Variants in DNMBP observed in about 807,000 individuals in gnomAD.
DNMBP encodes the protein dynamin-binding protein.
Under a neutral mutation model 150.0 loss-of-function variants are expected in DNMBP, and 87 were observed. That is an observed-to-expected ratio of 0.58 (90% CI 0.49 to 0.69). The LOEUF (loss-of-function observed/expected upper bound fraction) is 0.69, where lower values mean the gene tolerates loss of function less well. DNMBP is among the 30% of genes least tolerant of loss of function. DNMBP has a pLI of 0.00. For synonymous variants in DNMBP, 711 were observed against 750.4 expected (o/e 0.95, Z 0.86); for missense variants, 1,774 against 1,949.0 (o/e 0.91, Z 1.69).
At chr10:99,891,467 A>G (rs2039559040) in intron 11 of DNMBP, among the ~76,000 whole-genome samples, 1 of 151,734 alleles carries the variant, frequency 6.6e-6, no homozygotes, top group East Asian at 1.9e-4. Context: ...AGTCTCGTTC[A>G]CTCAGTGCTC....
At chr10:99,902,050 C>A (rs889902780) in intron 6 of DNMBP, among the ~76,000 whole-genome samples, 2 of 151,692 alleles carry the variant, frequency 1.3e-5, no homozygotes, top group Non-Finnish European at 2.9e-5. Context: ...CACCACCACA[C>A]CTGCTAATTT....
intron 1 of DNMBP, among the ~76,000 whole-genome samples, chr10:99,993,360 T>C (rs1564757826): frequency 2.0e-5 from 3 of 152,304 alleles, no homozygotes; most frequent in Non-Finnish European, 2.9e-5. Context: ...CTGGAATTAG[T>C]GGTGAATGGG....
At position 99,955,596 on chromosome 10, in the gene DNMBP, C is replaced by A; in HGVS notation, c.1878G>T (p.Leu626=). 3 of 1,613,350 alleles carry A rather than the reference C, an allele frequency of 1.9e-6. No individual in the cohort carries two copies. The South Asian group carries it at 3.3e-5, about 18-fold the overall frequency. Residue 626 remains leucine, a synonymous_variant, in exon 4 of 17, where the codon CTG becomes CTT. Coordinates refer to ENST00000324109, the MANE Select transcript of DNMBP (RefSeq NM_015221.4). ...GTGCAGGTTTTAGGTTCTGGTCAAC[C>A]AGCAAATGGGGAGAAGTGGATACCG... is the stretch of plus-strand genomic sequence containing the variant. ...CTPVSTSPHL[L]VDQNLKPAPP... is the part of the protein sequence containing the mutation.
intron 4 of DNMBP, among the ~76,000 whole-genome samples, chr10:99,942,069 T>C (rs111592636): frequency 1.7e-3 from 266 of 152,324 alleles, no homozygotes; most frequent in African/African-American, 5.4e-3. Flanking sequence ...AACTGTGCCG[T>C]TGCTCTAGCT....
chr10:99,997,429 G>C (rs1006103787), intron 1 of DNMBP, among the ~76,000 whole-genome samples: 1 of 152,116 alleles, frequency 6.6e-6, no homozygotes, highest in African/African-American at 2.4e-5. Flanking sequence ...AAATGACCTT[G>C]GGGCCAGACC....
intron 6 of DNMBP, among the ~76,000 whole-genome samples, chr10:99,903,283 A>G (rs1461889290): frequency 2.6e-5 from 4 of 151,608 alleles, no homozygotes; most frequent in African/African-American, 9.7e-5. Context: ...ACCAGTCACA[A>G]CAGTGGGGGT....
In DNMBP at chr10:99,879,101, A is replaced by AAAAAAAAAC. The variant is rs1554857510; in HGVS notation, c.4548+709_4548+710insGTTTTTTTT. 5.1e-3 allele frequency among the ~76,000 whole-genome samples: 694 copies of AAAAAAAAAC among 135,006 alleles called. 54 individuals are homozygous for AAAAAAAAAC. The highest frequency in any genetic ancestry group is 0.02 in the African/African-American group (616 of 31,580). 88.6% of individuals were successfully genotyped at this position (135,006 alleles called of 152,430 possible). A position where few individuals can be genotyped will look rare whatever the true frequency, so the allele number is the denominator to read the frequency against. Reference sequence around the variant, plus strand: ...CTCTGTCTCAAAAAAAAAAAAAAAAACCCAAAACGTTTGAGATACAAAGCC... The same window carrying AAAAAAAAAC: ...CTCTGTCTCAAAAAAAAAAAAAAAAAAAAAAAAACCCCAAAACGTTTGAGATACAAAGCC... On this transcript the variant is annotated intron_variant, in intron 16 of 16. Coordinates refer to ENST00000324109, the MANE Select transcript of DNMBP (RefSeq NM_015221.4).
Position 99,895,817 on chromosome 10 carries a change from A to G in DNMBP, c.3051+450T>C, listed in dbSNP as rs549348649. ...AACAATGGACTATTTTCTGGCTTATATTTTCCATGAATTGTACCTTAATAT... is the reference window on the plus strand; with the variant it reads ...AACAATGGACTATTTTCTGGCTTATGTTTTCCATGAATTGTACCTTAATAT... On this transcript the variant is annotated intron_variant, in intron 10 of 16. Coordinates refer to ENST00000324109, the MANE Select transcript of DNMBP (RefSeq NM_015221.4). Among the ~76,000 whole-genome samples the G allele has an allele frequency of 3.5e-4, 53 of 152,300 alleles. 1 individual carries two copies. In the South Asian group the frequency reaches 5.4e-3, roughly 15 times the overall value.
At chr10:99,877,419 A>G (rs2039294019) in intron 16 of DNMBP, 83 bp from the exon 17 acceptor site, 1 of 1,127,650 alleles carries the variant, frequency 8.9e-7, no homozygotes, top group African/African-American at 1.6e-5. Context: ...GGAGGGTTCC[A>G]CATCCACATG....
chr10:99,942,716 G>A (rs11190334), intron 4 of DNMBP, among the ~76,000 whole-genome samples: 6,714 of 152,214 alleles, frequency 0.044, 162 homozygotes, highest in South Asian at 0.083. Flanking sequence ...ACCATTCTAA[G>A]CTACATTTCT....
chr10:100,004,592 C>T (rs2133393479), intron 1 of DNMBP, among the ~76,000 whole-genome samples: 1 of 152,132 alleles, frequency 6.6e-6, no homozygotes, highest in Admixed American at 6.5e-5. Context: ...AAAACTGGGT[C>T]ATTAAATGGA....
In DNMBP at chr10:99,955,205, G is replaced by A. The variant is rs182549792; in HGVS notation, c.2260+9C>T. 4.1e-5 allele frequency: 66 copies of A among 1,606,208 alleles called. 1 individual carries two copies. The highest frequency in any genetic ancestry group is 8.4e-5 in the Admixed American group (5 of 59,598). On this transcript the variant is annotated intron_variant, in intron 4 of 16. Coordinates refer to ENST00000324109, the MANE Select transcript of DNMBP (RefSeq NM_015221.4). Reference sequence around the variant, plus strand: ...AGAAACAATTACATATTATTTCCTCGTCACTTACCTCTTAGTTGCTGGAGT... The same window carrying A: ...AGAAACAATTACATATTATTTCCTCATCACTTACCTCTTAGTTGCTGGAGT...
intron 1 of DNMBP, among the ~76,000 whole-genome samples, chr10:100,008,318 G>A (rs76707553): frequency 6.6e-6 from 1 of 152,152 alleles, no homozygotes; most frequent in Non-Finnish European, 1.5e-5. Context: ...TATGAACACT[G>A]TATAAAAGTC....
rs536611284 is a variant in DNMBP, at chr10:99,882,969, G to A, written c.3997+1042C>T. ...CTTGTGAGGCTGAGGCAGGAGAATC[G>A]CTTGAAGGCAGAGGTTGCAGTGAGC... On this transcript the variant is annotated intron_variant, in intron 15 of 16. Coordinates refer to ENST00000324109, the MANE Select transcript of DNMBP (RefSeq NM_015221.4). Among the ~76,000 whole-genome samples, 15 of 152,120 alleles carry A rather than the reference G, an allele frequency of 9.9e-5. No individual in the cohort carries two copies. In the South Asian group the frequency reaches 2.5e-3, roughly 25 times the overall value.
At chr10:99,925,709 C>A (rs965778455) in intron 4 of DNMBP, among the ~76,000 whole-genome samples, 2 of 152,178 alleles carry the variant, frequency 1.3e-5, no homozygotes, top group Non-Finnish European at 2.9e-5. Context: ...GCCACTGTGC[C>A]TGGCCTGACC....
Position 99,899,950 on chromosome 10 carries a change from T to C in DNMBP, c.2671A>G (p.Lys891Glu), listed in dbSNP as rs756088369. 2.5e-6 allele frequency: 4 copies of C among 1,614,178 alleles called. No individual in the cohort carries two copies. Among genetic ancestry groups the C allele is most frequent in the South Asian group, 1.1e-5 (1 of 91,088 alleles). Reference protein sequence around the residue: ...EIYEKDEKIQKHLQDSLADLK... With the variant: ...EIYEKDEKIQEHLQDSLADLK... ...TCTGCCAAGGAGTCCTGAAGATGCT[T>C]CTGGATCTTCTCATCCTTCTCGTAG... Residue 891 changes from lysine (K) to glutamate (E), a missense_variant, in exon 7 of 17, where the codon AAG becomes GAG. Physicochemically the swap from Lys to Glu is moderately conservative, Grantham distance 56. This residue lies in a region of DNMBP where 1,430 missense variants were observed against 1,492.5 expected (regional missense o/e 0.96). Transcript: ENST00000324109.
intron 4 of DNMBP, chr10:99,914,226 T>C: frequency 1.3e-6 from 1 of 778,228 alleles, no homozygotes. Flanking sequence ...ATCAACACCT[T>C]CCTTTCTATT....
At chr10:99,953,980 T>G (rs1404955305) in intron 4 of DNMBP, among the ~76,000 whole-genome samples, 1 of 151,978 alleles carries the variant, frequency 6.6e-6, no homozygotes, top group African/African-American at 2.4e-5. Context: ...ATGGATGCCA[T>G]AGCAGAATAA....
chr10:99,964,241 C>T (rs555260633), intron 3 of DNMBP, among the ~76,000 whole-genome samples: 44 of 143,328 alleles, frequency 3.1e-4, no homozygotes, highest in Non-Finnish European at 4.5e-4. Context: ...TTTCCGGGTT[C>T]GAGCAATTTC....
Sources: allele counts gnomAD v4.1 joint callset (sites outside exome capture counted in the v4.1 genomes callset), GRCh38; gene constraint gnomAD v4.1.1; regional missense constraint gnomAD v4.1.1; transcripts MANE v1.5; gene names NCBI Gene and HGNC (gene_info 2026-07-23, HGNC 2026-07-21).